OGFOD1: variants seen among roughly 807,000 people sequenced by gnomAD.
The protein encoded by OGFOD1 is 2-oxoglutarate and iron dependent oxygenase domain containing 1.
Under a neutral mutation model 67.7 loss-of-function variants are expected in OGFOD1, and 54 were observed. The observed-to-expected ratio is 0.80, with a 90% CI of 0.64 to 1.00. The LOEUF is 1.00. Among genes scored for constraint, OGFOD1 ranks in the 50% least tolerant of loss-of-function variants. The pLI is 0.00. For missense variants in OGFOD1, 606 were observed against 646.7 expected (o/e 0.94, Z 0.68); for synonymous variants, 221 against 227.0 (o/e 0.97, Z 0.24).
chr16:56,461,711 T>A (rs756820587), intron 3 of OGFOD1, among the ~76,000 whole-genome samples: 1 of 152,154 alleles, frequency 6.6e-6, no homozygotes, highest in Non-Finnish European at 1.5e-5. Context: ...TGAATTGAAT[T>A]TTAAGACACT....
At chr16:56,467,334 C>A (rs1567551131) in intron 7 of OGFOD1, 41 bp downstream of exon 7, 1 of 1,603,666 alleles carries the variant, frequency 6.2e-7, no homozygotes, top group Admixed American at 1.7e-5. Flanking sequence ...GGAGCTATAG[C>A]ATATCATTTG....
intron 10 of OGFOD1, among the ~76,000 whole-genome samples, chr16:56,473,723 G>T (rs1963312365): frequency 6.7e-6 from 1 of 150,180 alleles, no homozygotes; most frequent in Non-Finnish European, 1.5e-5. Context: ...TTCATGAGTT[G>T]CCTGTCATTA....
intron 1 of OGFOD1, among the ~76,000 whole-genome samples, chr16:56,452,373 G>T (rs1331434715): frequency 2.0e-5 from 3 of 152,188 alleles, no homozygotes; most frequent in African/African-American, 7.2e-5. Flanking sequence ...CCTGTAGTTT[G>T]ACTCCATGAT....
At chr16:56,457,249 T>A (rs924302001) in intron 2 of OGFOD1, among the ~76,000 whole-genome samples, 2 of 152,250 alleles carry the variant, frequency 1.3e-5, no homozygotes, top group Admixed American at 6.5e-5. Flanking sequence ...AGGAATGACG[T>A]ACTGATACTA....
In OGFOD1 at chr16:56,475,492, T is replaced by C. The variant is rs760691541; in HGVS notation, c.1409-15T>C. On this transcript the variant is annotated splice_polypyrimidine_tract_variant and intron_variant, in intron 11 of 12. Coordinates refer to ENST00000566157, the MANE Select transcript of OGFOD1 (RefSeq NM_018233.4). ...ATAGGAGCTTTCTGAATGCTGTTTG[T>C]TTTTCTCTTGTAAGGCTGGGAGCCA... 1.3e-5 allele frequency: 21 copies of C among 1,613,356 alleles called. No homozygotes were observed. In the South Asian group the frequency reaches 2.3e-4, roughly 18 times the overall value.
At chr16:56,459,965 T>C (rs1962657305) in intron 3 of OGFOD1, among the ~76,000 whole-genome samples, 1 of 152,248 alleles carries the variant, frequency 6.6e-6, no homozygotes, top group African/African-American at 2.4e-5. Flanking sequence ...TAGCTGTTTT[T>C]CACCTATATG....
At chr16:56,471,711 A>G (rs1413791876) in intron 10 of OGFOD1, among the ~76,000 whole-genome samples, 2 of 152,248 alleles carry the variant, frequency 1.3e-5, no homozygotes, top group Non-Finnish European at 2.9e-5. Context: ...TGAAAGCAAC[A>G]TAACTCATTC....
chr16:56,456,538 CCT>C (rs1322387400), intron 2 of OGFOD1, among the ~76,000 whole-genome samples: 22 of 152,216 alleles, frequency 1.4e-4, no homozygotes, highest in African/African-American at 5.1e-4. Context: ...ATCCTTGATT[CCT>C]CTCTCACCTT....
chr16:56,470,261 C>A, intron 9 of OGFOD1, 179 bp downstream of exon 9: 1 of 667,660 alleles, frequency 1.5e-6, no homozygotes, highest in Non-Finnish European at 2.5e-6. Flanking sequence ...AAGGCTCACA[C>A]CCAATAATAG....
At position 56,467,221 on chromosome 16, in the gene OGFOD1, T is replaced by TGGTC; in HGVS notation, c.715_718dup (p.Pro240ArgfsTer12). 6.2e-7 allele frequency: 1 copy of TGGTC among 1,614,158 alleles called. No homozygotes were observed. Among genetic ancestry groups the TGGTC allele is most frequent in the Non-Finnish European group, 8.5e-7 (1 of 1,180,028 alleles). On this transcript the variant is annotated frameshift_variant, in exon 7 of 13. Coordinates refer to ENST00000566157, the MANE Select transcript of OGFOD1 (RefSeq NM_018233.4). LOFTEE classifies it high-confidence loss of function. ...GTTTGTCTATAAGTGGCTGGTTTCA[T>TGGTC]GGTCCATCATTGACTCGGCCTCCCA...
intron 3 of OGFOD1, among the ~76,000 whole-genome samples, chr16:56,461,291 A>G (rs1190019114): frequency 3.3e-5 from 5 of 152,196 alleles, no homozygotes; most frequent in Non-Finnish European, 7.3e-5. Flanking sequence ...TGAAGCCTCC[A>G]TCAAAAACCC....
chr16:56,453,721 C>T (rs1421426721), intron 2 of OGFOD1: 1 of 183,908 alleles, frequency 5.4e-6, no homozygotes, highest in African/African-American at 2.3e-5. Flanking sequence ...GTGATAATGT[C>T]TTCCCTAGGT....
In OGFOD1 at chr16:56,470,086, G is replaced by A. The variant is rs1963097125; in HGVS notation, c.980+4G>A. 2 of 1,613,002 alleles carry A rather than the reference G, an allele frequency of 1.2e-6. No individual in the cohort carries two copies. The highest frequency in any genetic ancestry group is 2.7e-5 in the African/African-American group (2 of 75,004). ...GCCGAGGTCCCCCTAACAAAAGGTAGAACCCGTCATCTGAGATATTTGCTT... is the reference window on the plus strand; with the variant it reads ...GCCGAGGTCCCCCTAACAAAAGGTAAAACCCGTCATCTGAGATATTTGCTT... On this transcript the variant is annotated splice_donor_region_variant and intron_variant, in intron 9 of 12. Coordinates refer to ENST00000566157, the MANE Select transcript of OGFOD1 (RefSeq NM_018233.4).
At chr16:56,454,688 ATT>A (rs758081010) in intron 2 of OGFOD1, 48 of 317,042 alleles carry the variant, frequency 1.5e-4, no homozygotes, top group East Asian at 2.9e-4. Context: ...ATGAAGAATA[ATT>A]TTTTTTTTTG....
At chr16:56,462,704 A>C (rs1962753383) in intron 4 of OGFOD1, 70 bp downstream of exon 4, 1 of 910,060 alleles carries the variant, frequency 1.1e-6, no homozygotes, top group African/African-American at 1.6e-5. Flanking sequence ...GAGAGATGGT[A>C]TCTGTGTACC....
rs755225936 is a variant in OGFOD1, at chr16:56,458,600, C to G, written c.347+6C>G. ...CCTCACATCTCCACTTTAAGGTAAA[C>G]AAGTAATCATATTTGTTGGGTGCTA... On this transcript the variant is annotated splice_donor_region_variant and intron_variant, in intron 3 of 12. Transcript: ENST00000566157. 2 of 1,610,320 alleles carry G rather than the reference C, an allele frequency of 1.2e-6. No homozygotes were observed. Among genetic ancestry groups the G allele is most frequent in the South Asian group, 2.2e-5 (2 of 90,984 alleles).
At chr16:56,468,051 G>A (rs1339086389) in intron 8 of OGFOD1, 33 bp downstream of exon 8, 9 of 1,194,992 alleles carry the variant, frequency 7.5e-6, no homozygotes, top group African/African-American at 7.5e-5. Context: ...TGAATATTTT[G>A]TTTGGCATGC....
rs774229343 is a variant in OGFOD1 at position 56,451,584 on chromosome 16, C to T, written c.-29C>T. On this transcript the variant is annotated 5_prime_UTR_variant, in exon 1 of 13. Coordinates refer to ENST00000566157, the MANE Select transcript of OGFOD1 (RefSeq NM_018233.4). ...CTCAGGAAGGTAGCGTCTTGATCTG[C>T]GTGGCGTGGTTCTGTGCCTTGGGAA... 1.2e-6 allele frequency: 2 copies of T among 1,611,516 alleles called. No homozygotes were observed.
intron 2 of OGFOD1, among the ~76,000 whole-genome samples, chr16:56,456,456 C>T (rs1353182923): frequency 1.3e-5 from 2 of 152,232 alleles, no homozygotes; most frequent in Non-Finnish European, 2.9e-5. Flanking sequence ...TAAATCTGCT[C>T]CACCTGCAGT....
Sources: gnomAD v4.1 joint callset for allele counts (sites outside exome capture counted in the v4.1 genomes callset) on GRCh38, gnomAD v4.1.1 for gene constraint, MANE v1.5 for transcripts, NCBI Gene and HGNC (gene_info 2026-07-23, HGNC 2026-07-21) for gene names.